ZNF527: variants seen among roughly 807,000 people sequenced by gnomAD.
The protein encoded by ZNF527 is zinc finger protein 527.
Under a neutral mutation model 13.5 loss-of-function variants are expected in ZNF527, and 5 were observed. The ratio of observed to expected loss-of-function variants is 0.37; its 90% CI spans 0.19 to 0.78. The LOEUF is 0.78. Ranked by LOEUF, ZNF527 falls within the 30% of genes least tolerant of loss-of-function variation. ZNF527 has a pLI of 0.48. For missense variants in ZNF527, 628 were observed against 726.4 expected, an observed-to-expected ratio of 0.86 and a Z score of 1.56; for synonymous variants, 209 against 243.1, an observed-to-expected ratio of 0.86 and a Z score of 1.30.
In ZNF527 at chr19:37,379,957, G is replaced by A. The variant is rs1048965286; in HGVS notation, c.161-320G>A. Reference sequence around the variant, plus strand: ...TTTAATAAACTCTCCAAATGATCCTGATGTCTGTTAAAGTTTGAGAGCCAC... The same window carrying A: ...TTTAATAAACTCTCCAAATGATCCTAATGTCTGTTAAAGTTTGAGAGCCAC... On this transcript the variant is annotated intron_variant, in intron 3 of 4. Transcript: ENST00000436120. 1.9e-5 allele frequency: 4 copies of A among 216,128 alleles called. No homozygotes were observed. The East Asian group carries it at 4.4e-4, about 24-fold the overall frequency. The allele number at this position is 216,128 out of a possible 1,614,324, so 13.4% of individuals were successfully genotyped here. A position where few individuals can be genotyped will look rare whatever the true frequency, so the allele number is the denominator to read the frequency against.
chr19:37,388,788 G>T lies in ZNF527; in HGVS notation c.739G>T (p.Glu247Ter). The change falls in exon 5 of 5, where the codon GAA becomes TAA. Residue 247 changes from glutamate to a stop codon, truncating the protein, a stop_gained. Transcript: ENST00000436120. LOFTEE classifies it low-confidence loss of function (END_TRUNC). ...IGIPPGEKPY[E>*]SHDFSKLLSF... ...AATTCCTCCTGGGGAGAAACCTTAT[G>T]AAAGTCATGATTTTTCAAAGCTCTT... 1 of 1,613,022 alleles carries T rather than the reference G, an allele frequency of 6.2e-7. No individual in the cohort carries two copies. Among genetic ancestry groups the T allele is most frequent in the Non-Finnish European group, 8.5e-7 (1 of 1,179,794 alleles).
Position 37,390,078 on chromosome 19 carries a change from G to T in ZNF527, c.*199G>T. ...GAGTCTCGCTCTGTTGCCCAGGCTG[G>T]AGTGCAGTGGTGTAATCTTGGCTCA... On this transcript the variant is annotated 3_prime_UTR_variant, in exon 5 of 5. Coordinates refer to ENST00000436120, the MANE Select transcript of ZNF527 (RefSeq NM_032453.2). 1 of 555,334 alleles carries T rather than the reference G, an allele frequency of 1.8e-6. No homozygotes were observed. Among genetic ancestry groups the T allele is most frequent in the East Asian group, 3.7e-5 (1 of 26,722 alleles). 34.4% of individuals were successfully genotyped at this position (555,334 alleles called of 1,614,324 possible). A position where few individuals can be genotyped will look rare whatever the true frequency, so the allele number is the denominator to read the frequency against.
At chr19:37,387,285 C>G (rs1220178233) in intron 4 of ZNF527, among the ~76,000 whole-genome samples, 1 of 152,178 alleles carries the variant, frequency 6.6e-6, no homozygotes, top group African/African-American at 2.4e-5. Context: ...TGATTATAGC[C>G]TTGAACACCA....
rs769051828 is a variant in ZNF527 at position 37,388,653 on chromosome 19, C to A, written c.604C>A (p.Gln202Lys). 3 of 1,613,226 alleles carry A rather than the reference C, an allele frequency of 1.9e-6. No homozygotes were observed. In the South Asian group the frequency reaches 3.3e-5, roughly 18 times the overall value. ...KFDIYDKLFP[Q>K]NSVIIEYKRL... ...TGATATTTATGATAAACTCTTCCCC[C>A]AAAATTCAGTCATAATTGAATATAA... is the stretch of plus-strand genomic sequence containing the variant. The change falls in exon 5 of 5, where the codon CAA becomes AAA. Residue 202 changes from glutamine to lysine, a missense_variant. Gln to Lys is a moderately conservative substitution (Grantham distance 53). Around this residue, in one of 3 missense-constraint regions of ZNF527, gnomAD observed 592 missense variants for 678.0 expected, o/e 0.87. Transcript: ENST00000436120.
At chr19:37,380,460 A>G in intron 4 of ZNF527, 88 bp downstream of exon 4, 4 of 1,099,630 alleles carry the variant, frequency 3.6e-6, no homozygotes, top group Non-Finnish European at 4.0e-6. Context: ...TTCAGGTGGG[A>G]TGAGAACTGA....
Position 37,388,169 on chromosome 19 carries a change from C to A in ZNF527, c.257-137C>A. 6.9e-6 allele frequency: 6 copies of A among 864,632 alleles called. No homozygotes were observed. The South Asian group carries it at 9.1e-5, about 13-fold the overall frequency. The allele number at this position is 864,632 out of a possible 1,614,324, so 53.6% of individuals were successfully genotyped here. Reference sequence around the variant, plus strand: ...ATTGTCTTTTGTTCATATTGCATGGCCATATTTGGGAGCTATTAGAACCAC... The same window carrying A: ...ATTGTCTTTTGTTCATATTGCATGGACATATTTGGGAGCTATTAGAACCAC... On this transcript the variant is annotated intron_variant, in intron 4 of 4. Transcript: ENST00000436120.
Position 37,389,677 on chromosome 19 carries a change from A to G in ZNF527, c.1628A>G (p.Gln543Arg). 6.2e-7 allele frequency: 1 copy of G among 1,613,868 alleles called. No homozygotes were observed. The highest frequency in any genetic ancestry group is 8.5e-7 in the Non-Finnish European group (1 of 1,179,960). Residue 543 changes from glutamine (Q) to arginine (R), a missense_variant, in exon 5 of 5, where the codon CAA becomes CGA. Transcript: ENST00000436120. ...KAFSCGSYLN[Q>R]HQRIHTGEKP... ...TTCAGTTGTGGCTCATATCTTAATC[A>G]ACATCAAAGAATTCATACTGGAGAG...
chr19:37,387,002 G>T (rs1049121503), intron 4 of ZNF527, among the ~76,000 whole-genome samples: 2 of 152,184 alleles, frequency 1.3e-5, no homozygotes, highest in Admixed American at 1.3e-4. Context: ...ATCCAAGGCG[G>T]TATATAGGAC....
At chr19:37,381,229 T>C (rs756727968) in intron 4 of ZNF527, among the ~76,000 whole-genome samples, 44 of 152,214 alleles carry the variant, frequency 2.9e-4, no homozygotes, top group Admixed American at 2.6e-4. Context: ...TTGTTTTTGC[T>C]CAGTTTATAT....
At position 37,388,484 on chromosome 19, in the gene ZNF527, G is replaced by A; in HGVS notation, c.435G>A (p.Arg145=). ...EFELHQGNAE[R]HFMQVTAVKE... ...AGCTACATCAGGGAAATGCGGAGAG[G>A]CATTTCATGCAAGTGACAGCTGTTA... is the stretch of plus-strand genomic sequence containing the variant. Residue 145 remains arginine (R), a synonymous_variant, in exon 5 of 5, where the codon AGG becomes AGA. Transcript: ENST00000436120. 6.2e-7 allele frequency: 1 copy of A among 1,614,120 alleles called. No homozygotes were observed. Among genetic ancestry groups the A allele is most frequent in the Non-Finnish European group, 8.5e-7 (1 of 1,180,020 alleles).
chr19:37,376,655 TG>T (rs2040610430), intron 2 of ZNF527, among the ~76,000 whole-genome samples: 1 of 118,378 alleles, frequency 8.4e-6, no homozygotes, highest in African/African-American at 3.3e-5. Context: ...GCCTGGGGCC[TG>T]GGTGACACGA....
At chr19:37,378,168 C>T (rs1251239283) in intron 2 of ZNF527, among the ~76,000 whole-genome samples, 5 of 151,984 alleles carry the variant, frequency 3.3e-5, no homozygotes, top group Non-Finnish European at 5.9e-5. Context: ...GTTGGGACTA[C>T]AGGCACATAC....
intron 2 of ZNF527, among the ~76,000 whole-genome samples, chr19:37,375,356 T>C (rs540828597): frequency 6.7e-6 from 1 of 148,222 alleles, no homozygotes; most frequent in Non-Finnish European, 1.5e-5. Flanking sequence ...TTCCTTTCTT[T>C]CTTTTCTTTT....
intron 4 of ZNF527, among the ~76,000 whole-genome samples, chr19:37,386,251 C>T (rs1317883738): frequency 4.9e-5 from 7 of 142,066 alleles, no homozygotes; most frequent in Admixed American, 2.3e-4. Flanking sequence ...AAGCAATTCT[C>T]GTGCCTCAGC....
At chr19:37,378,185 G>A (rs1250225306) in intron 2 of ZNF527, among the ~76,000 whole-genome samples, 1 of 151,910 alleles carries the variant, frequency 6.6e-6, no homozygotes, top group East Asian at 1.9e-4. Flanking sequence ...ATACCACCAT[G>A]TCCAGCTAAT....
chr19:37,385,857 C>T (rs188650712), intron 4 of ZNF527, among the ~76,000 whole-genome samples: 125 of 152,276 alleles, frequency 8.2e-4, no homozygotes, highest in African/African-American at 3.0e-3. Flanking sequence ...CTGCCTTCAC[C>T]TCAGGTTCTC....
intron 1 of ZNF527, among the ~76,000 whole-genome samples, chr19:37,371,547 A>G (rs1442211214): frequency 6.6e-6 from 1 of 151,942 alleles, no homozygotes; most frequent in Non-Finnish European, 1.5e-5. Context: ...GGGGTGTGAC[A>G]TTGTGTGTTT....
At chr19:37,378,728 G>A (rs1029011076) in intron 2 of ZNF527, among the ~76,000 whole-genome samples, 1 of 152,026 alleles carries the variant, frequency 6.6e-6, no homozygotes, top group African/African-American at 2.4e-5. Flanking sequence ...TAACTTTCAG[G>A]CCATACCCTT....
chr19:37,375,518 C>T (rs760036743), intron 2 of ZNF527, among the ~76,000 whole-genome samples: 3 of 151,574 alleles, frequency 2.0e-5, no homozygotes, highest in Admixed American at 6.6e-5. Flanking sequence ...CACACCACCA[C>T]GCCCAGCTAA....
Sources: gnomAD v4.1 joint callset for allele counts (sites outside exome capture counted in the v4.1 genomes callset) on GRCh38, gnomAD v4.1.1 for gene constraint, gnomAD v4.1.1 regional missense constraint, MANE v1.5 for transcripts, NCBI Gene and HGNC (gene_info 2026-07-23, HGNC 2026-07-21) for gene names.